Variants in NPAS3 observed in about 807,000 individuals in gnomAD.
NPAS3 encodes the protein neuronal PAS domain protein 3, also known as neuronal PAS domain-containing protein 3.
NPAS3 carries 14 observed loss-of-function variants against 73.1 expected under a neutral mutation model. The observed-to-expected ratio is 0.19, with a 90% CI of 0.13 to 0.30. The LOEUF (loss-of-function observed/expected upper bound fraction) is 0.30. NPAS3 is among the 10% of genes least tolerant of loss of function. NPAS3 has a pLI of 1.00. For synonymous variants in NPAS3, 620 were observed against 541.5 expected, an observed-to-expected ratio of 1.14 and a Z score of -2.01; for missense variants, 1,096 against 1,250.0, an observed-to-expected ratio of 0.88 and a Z score of 1.86.
At chr14:33,210,348 A>G (rs1035584512) in intron 2 of NPAS3, among the ~76,000 whole-genome samples, 1 of 151,266 alleles carries the variant, frequency 6.6e-6, no homozygotes, top group Non-Finnish European at 1.5e-5. Context: ...TTTTGATAGC[A>G]GTAGCACCCC....
intron 4 of NPAS3, among the ~76,000 whole-genome samples, chr14:33,504,109 A>G (rs113834852): frequency 6.6e-6 from 1 of 151,986 alleles, no homozygotes; most frequent in African/African-American, 2.4e-5. Flanking sequence ...TTAAGTATAG[A>G]AAAGCTTAGA....
intron 5 of NPAS3, among the ~76,000 whole-genome samples, chr14:33,566,123 C>T (rs1277260850): frequency 1.3e-5 from 2 of 152,024 alleles, no homozygotes; most frequent in Admixed American, 1.3e-4. Flanking sequence ...GGCACAGTGG[C>T]ACATTATCAA....
At chr14:33,342,137 G>T (rs1341995318) in intron 3 of NPAS3, among the ~76,000 whole-genome samples, 33 of 152,152 alleles carry the variant, frequency 2.2e-4, no homozygotes, top group Admixed American at 2.1e-3. Flanking sequence ...TTTAAGGGAG[G>T]GAAATTCATG....
intron 3 of NPAS3, among the ~76,000 whole-genome samples, chr14:33,315,927 C>T (rs1424034222): frequency 6.6e-6 from 1 of 152,036 alleles, no homozygotes; most frequent in Non-Finnish European, 1.5e-5. Flanking sequence ...TGTGCCAGAA[C>T]TGGCTAGGAT....
chr14:33,159,951 C>G (rs1210878609), intron 2 of NPAS3, among the ~76,000 whole-genome samples: 3 of 152,104 alleles, frequency 2.0e-5, no homozygotes, highest in Non-Finnish European at 1.5e-5. Context: ...ATTTTAACTG[C>G]AAGAGACAAG....
At chr14:33,371,172 A>G (rs1418168157) in intron 4 of NPAS3, among the ~76,000 whole-genome samples, 2 of 152,176 alleles carry the variant, frequency 1.3e-5, no homozygotes, top group African/African-American at 2.4e-5. Flanking sequence ...TGGTGGAGGA[A>G]GGAATAGTAA....
intron 1 of NPAS3, among the ~76,000 whole-genome samples, chr14:33,013,050 T>G (rs11844835): frequency 0.11 from 16,031 of 152,132 alleles, 1,494 homozygotes; most frequent in African/African-American, 0.25. Flanking sequence ...CCAAACAGTC[T>G]TCTCCACTGG....
chr14:33,621,015 T>C (rs2058061940), intron 5 of NPAS3, among the ~76,000 whole-genome samples: 1 of 152,172 alleles, frequency 6.6e-6, no homozygotes, highest in African/African-American at 2.4e-5. Context: ...AAATGAGTCA[T>C]TTAAATGACT....
intron 3 of NPAS3, among the ~76,000 whole-genome samples, chr14:33,283,266 T>C (rs1033988452): frequency 2.6e-5 from 4 of 152,220 alleles, no homozygotes; most frequent in African/African-American, 9.6e-5. Context: ...ATTCTGCTGT[T>C]CATTTCATTG....
chr14:33,417,115 TGATA>T (rs374943629), intron 4 of NPAS3, among the ~76,000 whole-genome samples: 3 of 152,140 alleles, frequency 2.0e-5, no homozygotes, highest in Non-Finnish European at 2.9e-5. Context: ...GCAGCCTAAT[TGATA>T]GATATGTATT....
At chr14:33,801,462 A>G, downstream of NPAS3, 1 of 301,776 alleles carries the variant, frequency 3.3e-6, no homozygotes, top group Non-Finnish European at 6.2e-6. Flanking sequence ...TTCTCAAGTG[A>G]CAACCATTGG....
intron 4 of NPAS3, among the ~76,000 whole-genome samples, chr14:33,506,463 C>T (rs2052767332): frequency 6.6e-6 from 1 of 152,062 alleles, no homozygotes; most frequent in Admixed American, 6.6e-5. Flanking sequence ...CTCATATTTA[C>T]ATGTATTGTT....
chr14:33,373,768 T>C (rs2046198222), intron 4 of NPAS3, among the ~76,000 whole-genome samples: 1 of 152,168 alleles, frequency 6.6e-6, no homozygotes, highest in South Asian at 2.1e-4. Context: ...AATTTTTATA[T>C]TGCTTTTAGA....
At chr14:33,165,983 C>T (rs1566629979) in intron 2 of NPAS3, among the ~76,000 whole-genome samples, 2 of 152,184 alleles carry the variant, frequency 1.3e-5, no homozygotes, top group East Asian at 1.9e-4. Context: ...TCTTTAGCCA[C>T]GCTCACATAT....
At chr14:33,072,225 T>C (rs745930826) in intron 2 of NPAS3, among the ~76,000 whole-genome samples, 1 of 152,200 alleles carries the variant, frequency 6.6e-6, no homozygotes. Context: ...AACTTTGCTT[T>C]TAAATAACGG....
chr14:33,534,020 T>C (rs564739415), intron 4 of NPAS3, among the ~76,000 whole-genome samples: 2 of 152,258 alleles, frequency 1.3e-5, no homozygotes, highest in East Asian at 3.9e-4. Flanking sequence ...CCAAATCTTT[T>C]TGTCATTTTA....
chr14:33,647,919 T>A (rs188679727), intron 5 of NPAS3, among the ~76,000 whole-genome samples: 1 of 152,324 alleles, frequency 6.6e-6, no homozygotes, highest in East Asian at 1.9e-4. Flanking sequence ...AACATCTTAC[T>A]AACTCTTGAA....
intron 4 of NPAS3, among the ~76,000 whole-genome samples, chr14:33,494,596 G>A (rs546040901): frequency 9.2e-5 from 14 of 152,128 alleles, no homozygotes; most frequent in Non-Finnish European, 1.8e-4. Context: ...CCCAGACTCT[G>A]AGAGAGACTT....
At chr14:33,258,019 A>G (rs530079635) in intron 3 of NPAS3, among the ~76,000 whole-genome samples, 1 of 152,342 alleles carries the variant, frequency 6.6e-6, no homozygotes, top group African/African-American at 2.4e-5. Context: ...ATTTTGGCTG[A>G]CACTTCCGGA....
Sources: gnomAD v4.1 joint callset for allele counts (sites outside exome capture counted in the v4.1 genomes callset) on GRCh38, gnomAD v4.1.1 for gene constraint, MANE v1.5 for transcripts, NCBI Gene and HGNC (gene_info 2026-07-23, HGNC 2026-07-21) for gene names.